The following ZFHX3 variants were observed in gnomAD, a reference collection of about 807,000 sequenced individuals.
ZFHX3 encodes zinc finger homeobox 3, also known as zinc finger homeobox protein 3.
In ZFHX3, 42 loss-of-function variants were observed where a neutral mutation model predicts 279.1. That is an observed-to-expected ratio of 0.15 (90% confidence interval 0.12 to 0.19). The LOEUF (loss-of-function observed/expected upper bound fraction) is 0.19, where lower values mean the gene tolerates loss of function less well. Ranked by LOEUF, ZFHX3 falls within the 10% of genes least tolerant of loss-of-function variation. The probability of loss-of-function intolerance (pLI) is 1.00; values close to 1 mark genes in which losing one functional copy is unlikely to be tolerated. For missense variants in ZFHX3, 4,981 were observed against 4,754.0 expected, an observed-to-expected ratio of 1.05 and a Z score of -1.40; for synonymous variants, 2,293 against 1,957.8, an observed-to-expected ratio of 1.17 and a Z score of -4.52.
chr16:73,503,593 G>A (rs1481144414), intron 2 of ZFHX3, among the ~76,000 whole-genome samples: 1 of 152,190 alleles, frequency 6.6e-6, no homozygotes, highest in Non-Finnish European at 1.5e-5. Flanking sequence ...CATTGTGTCA[G>A]TTACAGTGTT....
intron 1 of ZFHX3, among the ~76,000 whole-genome samples, chr16:73,805,687 T>A (rs1228008641): frequency 6.6e-6 from 1 of 152,218 alleles, no homozygotes; most frequent in African/African-American, 2.4e-5. Context: ...CAATGAGACA[T>A]AGCAATGGAC....
rs2036045296 is a variant in ZFHX3, at chr16:72,799,971, C to T, written c.3967+56G>A. On this transcript the variant is annotated intron_variant, in intron 8 of 9. Transcript: ENST00000268489. The stretch of plus-strand genomic sequence containing the variant: ...ATTCCTGAAAACCTTTCTCCATGAA[C>T]ATTTTGGCATTCCATCTTGTTTCAA... The T allele has an allele frequency of 1.9e-5, 29 of 1,507,442 alleles. 1 individual carries two copies. The South Asian group carries it at 2.4e-4, about 12-fold the overall frequency. 93.4% of individuals were successfully genotyped at this position (1,507,442 alleles called of 1,614,324 possible). A position where few individuals can be genotyped will look rare whatever the true frequency, so the allele number is the denominator to read the frequency against.
intron 2 of ZFHX3, among the ~76,000 whole-genome samples, chr16:72,954,275 CAGA>C (rs1961139475): frequency 6.6e-6 from 1 of 152,114 alleles, no homozygotes; most frequent in South Asian, 2.1e-4. Context: ...AAGGCAGAGG[CAGA>C]AGAATTGCTT....
At chr16:73,320,171 G>A (rs564562967) in intron 3 of ZFHX3, among the ~76,000 whole-genome samples, 8 of 152,310 alleles carry the variant, frequency 5.3e-5, no homozygotes, top group South Asian at 4.1e-4. Context: ...GAGGGCCTGG[G>A]ATTCAGAAGG....
At chr16:73,791,450 G>A (rs8048945) in intron 1 of ZFHX3, among the ~76,000 whole-genome samples, 2,722 of 151,956 alleles carry the variant, frequency 0.018, 28 homozygotes, top group African/African-American at 0.032. Context: ...TTTTGAGATG[G>A]AGTCTTGCTC....
Position 72,800,140 on chromosome 16 carries a change from A to G in ZFHX3, c.3865-11T>C. The stretch of plus-strand genomic sequence containing the variant: ...CTCAGGGGTGGTCACCTGAGGAGCA[A>G]GAGCAAGGAGAGTCAAATGGAGAGG... On this transcript the variant is annotated splice_polypyrimidine_tract_variant and intron_variant, in intron 7 of 9. Transcript: ENST00000268489. 5.6e-6 allele frequency: 9 copies of G among 1,605,556 alleles called. No individual in the cohort carries two copies. Among genetic ancestry groups the G allele is most frequent in the Non-Finnish European group, 7.7e-6 (9 of 1,172,324 alleles).
At chr16:73,065,379 C>T (rs753124362) in intron 8 of ZFHX3, among the ~76,000 whole-genome samples, 9 of 152,158 alleles carry the variant, frequency 5.9e-5, no homozygotes, top group Non-Finnish European at 1.2e-4. Context: ...TCTTACCCAC[C>T]ACCCCCATCC....
chr16:73,036,403 C>G (rs577594704), intron 1 of ZFHX3, among the ~76,000 whole-genome samples: 1 of 152,082 alleles, frequency 6.6e-6, no homozygotes, highest in African/African-American at 2.4e-5. Context: ...CACAGGAATG[C>G]GCTCTGCCGC....
intron 2 of ZFHX3, among the ~76,000 whole-genome samples, chr16:73,603,045 G>T (rs191795149): frequency 2.0e-5 from 3 of 152,182 alleles, no homozygotes; most frequent in African/African-American, 7.2e-5. Flanking sequence ...CAGCACTTTG[G>T]GAGGCCGAGG....
chr16:73,482,111 C>A (rs190326706), intron 2 of ZFHX3, among the ~76,000 whole-genome samples: 6 of 151,920 alleles, frequency 3.9e-5, no homozygotes, highest in Non-Finnish European at 7.4e-5. Flanking sequence ...CAAGTGTATA[C>A]GAGTGGAAAA....
At chr16:73,123,207 A>T (rs1203435688) in intron 7 of ZFHX3, 2 of 25,078 alleles carry the variant, frequency 8.0e-5, no homozygotes, top group Non-Finnish European at 4.1e-4. Flanking sequence ...GTGGTAGATT[A>T]AAAAAAAAAA....
At chr16:73,214,920 A>G (rs2012151709) in intron 5 of ZFHX3, among the ~76,000 whole-genome samples, 2 of 141,160 alleles carry the variant, frequency 1.4e-5, no homozygotes, top group African/African-American at 5.4e-5. Context: ...AAGAAACCAC[A>G]CCAACTCCTC....
At chr16:73,552,515 T>C (rs1265325632) in intron 2 of ZFHX3, among the ~76,000 whole-genome samples, 18 of 152,218 alleles carry the variant, frequency 1.2e-4, no homozygotes, top group Admixed American at 1.2e-3. Flanking sequence ...ATCACCTTGA[T>C]TTTAAAACAG....
chr16:73,580,896 C>A (rs776167421), intron 2 of ZFHX3, among the ~76,000 whole-genome samples: 8 of 151,790 alleles, frequency 5.3e-5, no homozygotes, highest in Non-Finnish European at 8.8e-5. Flanking sequence ...TGTTTCCTGG[C>A]ACAACAAGAT....
At chr16:73,105,153 C>T (rs1401863479) in intron 7 of ZFHX3, among the ~76,000 whole-genome samples, 3 of 151,756 alleles carry the variant, frequency 2.0e-5, no homozygotes, top group Admixed American at 6.6e-5. Context: ...CGTTTGTAAT[C>T]CCAGCACTTT....
At chr16:73,676,221 T>A (rs1490740677) in intron 2 of ZFHX3, among the ~76,000 whole-genome samples, 1 of 152,036 alleles carries the variant, frequency 6.6e-6, no homozygotes, top group East Asian at 1.9e-4. Context: ...TGACTATAAA[T>A]TATTTTTGAA....
chr16:73,865,910 G>T (rs549750828), intron 1 of ZFHX3, among the ~76,000 whole-genome samples: 1 of 151,830 alleles, frequency 6.6e-6, no homozygotes, highest in Admixed American at 6.6e-5. Flanking sequence ...GTGTGAACCC[G>T]GGAGGCAGAG....
At chr16:73,535,649 G>A (rs1033353876) in intron 2 of ZFHX3, among the ~76,000 whole-genome samples, 1 of 152,014 alleles carries the variant, frequency 6.6e-6, no homozygotes, top group Admixed American at 6.5e-5. Flanking sequence ...TCTGCCTGTG[G>A]TGCCCATCAC....
intron 2 of ZFHX3, among the ~76,000 whole-genome samples, chr16:73,563,592 G>T (rs1167330148): frequency 6.6e-6 from 1 of 152,116 alleles, no homozygotes; most frequent in Non-Finnish European, 1.5e-5. Flanking sequence ...TTAGGGATGT[G>T]ATTGGTTCCT....
Sources: allele counts gnomAD v4.1 joint callset (sites outside exome capture counted in the v4.1 genomes callset), GRCh38; gene constraint gnomAD v4.1.1; transcripts MANE v1.5; gene names NCBI Gene and HGNC (gene_info 2026-07-23, HGNC 2026-07-21).